Variants in WDPCP observed in about 807,000 individuals in gnomAD.
WDPCP encodes WD repeat containing planar cell polarity effector, also known as WD repeat-containing and planar cell polarity effector protein fritz homolog.
Under a neutral mutation model 93.1 loss-of-function variants are expected in WDPCP, and 71 were observed. The observed-to-expected ratio is 0.76, with a 90% CI of 0.63 to 0.93. The LOEUF is 0.93. Ranked by LOEUF, WDPCP falls within the 40% of genes least tolerant of loss-of-function variation. The pLI, the probability that WDPCP is intolerant of heterozygous loss-of-function variation, is 0.00. For synonymous variants in WDPCP, 315 were observed against 315.0 expected, an observed-to-expected ratio of 1.00 and a Z score of 0.00; for missense variants, 844 against 887.4, an observed-to-expected ratio of 0.95 and a Z score of 0.62.
chr2:63,137,033 C>T (rs1670671050), intron 17 of WDPCP, among the ~76,000 whole-genome samples: 1 of 152,092 alleles, frequency 6.6e-6, no homozygotes. Flanking sequence ...GCATGCATGT[C>T]TTTATAACAG....
At chr2:63,144,156 AC>A (rs1349076962) in intron 17 of WDPCP, among the ~76,000 whole-genome samples, 2 of 151,394 alleles carry the variant, frequency 1.3e-5, no homozygotes, top group Admixed American at 6.6e-5. Flanking sequence ...TTTTTCTTTG[AC>A]CTTGTTGGAT....
At chr2:63,530,885 C>G (rs1558763822) in intron 1 of WDPCP, among the ~76,000 whole-genome samples, 2 of 152,216 alleles carry the variant, frequency 1.3e-5, no homozygotes, top group Non-Finnish European at 2.9e-5. Context: ...CAAAGCAAGG[C>G]GGGCATTGCC....
chr2:63,191,149 T>A (rs979064403), intron 14 of WDPCP, among the ~76,000 whole-genome samples: 1 of 152,134 alleles, frequency 6.6e-6, no homozygotes, highest in Non-Finnish European at 1.5e-5. Flanking sequence ...TCCCAGCACT[T>A]TGGGAGGCTG....
chr2:63,709,461 G>A (rs546961390), intron 2 of WDPCP, among the ~76,000 whole-genome samples: 16 of 152,190 alleles, frequency 1.1e-4, no homozygotes, highest in Admixed American at 2.0e-4. Context: ...GTCATGGGTG[G>A]TATTGGATTA....
chr2:63,750,666 G>C (rs933252073), intron 2 of WDPCP, among the ~76,000 whole-genome samples: 3 of 152,096 alleles, frequency 2.0e-5, no homozygotes, highest in African/African-American at 7.2e-5. Flanking sequence ...TCTATTCCTA[G>C]TTAGCTAAAA....
At chr2:63,231,110 C>T (rs200143764) in intron 14 of WDPCP, among the ~76,000 whole-genome samples, 7 of 152,220 alleles carry the variant, frequency 4.6e-5, no homozygotes, top group South Asian at 2.1e-4. Flanking sequence ...AATCAATAAA[C>T]GTAATCCATC....
At chr2:63,517,989 A>G (rs1456959257) in intron 1 of WDPCP, 2 of 152,298 alleles carry the variant, frequency 1.3e-5, no homozygotes, top group African/African-American at 2.4e-5. Context: ...CCCAAGTTCA[A>G]GCGATTCTCC....
chr2:63,241,429 C>A (rs1362422844), intron 14 of WDPCP, among the ~76,000 whole-genome samples: 1 of 152,090 alleles, frequency 6.6e-6, no homozygotes, highest in African/African-American at 2.4e-5. Context: ...AAAGAGTTGG[C>A]CGCAGTTTCA....
chr2:63,308,202 CT>C (rs1293238058), intron 13 of WDPCP, among the ~76,000 whole-genome samples: 8 of 152,200 alleles, frequency 5.3e-5, no homozygotes, highest in African/African-American at 1.2e-4. Context: ...GAGATACCAT[CT>C]CACGCCAGTT....
At chr2:63,370,663 C>T (rs376343070) in intron 12 of WDPCP, among the ~76,000 whole-genome samples, 1 of 152,032 alleles carries the variant, frequency 6.6e-6, no homozygotes. Context: ...ATAGGAGAAA[C>T]ATTAATTACC....
chr2:63,552,843 A>C (rs1705783896), intron 1 of WDPCP, among the ~76,000 whole-genome samples: 1 of 152,232 alleles, frequency 6.6e-6, no homozygotes, highest in Non-Finnish European at 1.5e-5. Context: ...CTTTTAGAAA[A>C]TAACAGAGAT....
At chr2:63,705,916 T>C (rs925124739) in intron 2 of WDPCP, among the ~76,000 whole-genome samples, 1 of 152,116 alleles carries the variant, frequency 6.6e-6, no homozygotes, top group African/African-American at 2.4e-5. Flanking sequence ...CTCCCATTAT[T>C]ATTGTGTGGG....
At chr2:63,522,457 C>CACACAT (rs1553420235) in intron 1 of WDPCP, among the ~76,000 whole-genome samples, 1 of 131,668 alleles carries the variant, frequency 7.6e-6, no homozygotes, top group African/African-American at 2.7e-5. Flanking sequence ...GACAGACAGA[C>CACACAT]ACACACACAC....
chr2:63,259,985 A>G (rs1257936573), intron 13 of WDPCP, among the ~76,000 whole-genome samples: 2 of 152,200 alleles, frequency 1.3e-5, no homozygotes, highest in African/African-American at 4.8e-5. Flanking sequence ...TAATTACAAA[A>G]AAGTATGATA....
At chr2:63,682,218 C>T (rs543306431) in intron 2 of WDPCP, among the ~76,000 whole-genome samples, 1 of 152,322 alleles carries the variant, frequency 6.6e-6, no homozygotes, top group East Asian at 1.9e-4. Flanking sequence ...CATGGAGAAA[C>T]AGGGACATGT....
intron 3 of WDPCP, among the ~76,000 whole-genome samples, 187 bp downstream of exon 3, chr2:63,487,260 A>C (rs1376870218): frequency 1.3e-5 from 2 of 152,020 alleles, no homozygotes; most frequent in African/African-American, 4.8e-5. Context: ...CATTTTCTCG[A>C]TACTACTTTA....
intron 9 of WDPCP, among the ~76,000 whole-genome samples, chr2:63,409,975 G>T (rs1336372048): frequency 6.6e-6 from 1 of 152,172 alleles, no homozygotes; most frequent in Non-Finnish European, 1.5e-5. Context: ...GAATAATCAA[G>T]GAAAACTTTC....
intron 14 of WDPCP, among the ~76,000 whole-genome samples, chr2:63,251,514 CAG>C (rs1680722547): frequency 9.5e-6 from 1 of 105,068 alleles, no homozygotes; most frequent in Non-Finnish European, 1.8e-5. Flanking sequence ...TTTTTTGAGA[CAG>C]AGTCTCGCTC....
intron 3 of WDPCP, among the ~76,000 whole-genome samples, chr2:63,596,698 A>G (rs754937807): frequency 2.6e-5 from 4 of 152,224 alleles, no homozygotes; most frequent in Non-Finnish European, 5.9e-5. Context: ...TTCCAGTGAA[A>G]ATGCTGAATG....
Sources: gnomAD v4.1 joint callset for allele counts (sites outside exome capture counted in the v4.1 genomes callset) on GRCh38, gnomAD v4.1.1 for gene constraint, MANE v1.5 for transcripts, NCBI Gene and HGNC (gene_info 2026-07-23, HGNC 2026-07-21) for gene names.